RHBDL3: variants seen among roughly 807,000 people sequenced by gnomAD.
The protein encoded by RHBDL3 is rhomboid like 3, also known as rhomboid-related protein 3.
Under a neutral mutation model 48.2 loss-of-function variants are expected in RHBDL3, and 28 were observed. The ratio of observed to expected loss-of-function variants is 0.58; its 90% CI spans 0.43 to 0.80. RHBDL3 has a LOEUF of 0.80. Ranked by LOEUF, RHBDL3 falls within the 30% of genes least tolerant of loss-of-function variation. The pLI is 0.00. For synonymous variants in RHBDL3, 208 were observed against 232.3 expected (o/e 0.90, Z 0.95); for missense variants, 464 against 542.7 (o/e 0.85, Z 1.44).
At chr17:32,307,644 G>T (rs1035833697) in intron 7 of RHBDL3, among the ~76,000 whole-genome samples, 1 of 152,156 alleles carries the variant, frequency 6.6e-6, no homozygotes, top group African/African-American at 2.4e-5. Context: ...AGAGGCTGCG[G>T]GTGTTGGGAA....
intron 7 of RHBDL3, among the ~76,000 whole-genome samples, chr17:32,306,641 TG>T (rs2040717268): frequency 6.6e-6 from 1 of 151,970 alleles, no homozygotes; most frequent in Admixed American, 6.6e-5. Context: ...GAATGGGAGC[TG>T]GGCACAGTGG....
chr17:32,318,213 T>C (rs1375420187), intron 8 of RHBDL3, among the ~76,000 whole-genome samples: 2 of 150,974 alleles, frequency 1.3e-5, no homozygotes, highest in African/African-American at 2.4e-5. Context: ...AATTAAAAAT[T>C]AGCCAGGCAT....
chr17:32,266,286 G>T lies in RHBDL3; in HGVS notation c.97G>T (p.Ala33Ser). ...LEPEAEERLP[A>S]APEDHWKVLF... ...ACCCGAGGCCGAGGAGCGGCTGCCC[G>T]CGGCGCCGGAGGACGTGAGTGCCCC... Residue 33 changes from alanine (A) to serine (S), a missense_variant, in exon 1 of 9, where the codon GCG (alanine) becomes TCG (serine). Physicochemically the swap from Ala to Ser is moderately conservative, Grantham distance 99. Transcript: ENST00000269051. The T allele has an allele frequency of 1.4e-6, 2 of 1,465,578 alleles. No individual in the cohort carries two copies. Among genetic ancestry groups the T allele is most frequent in the Non-Finnish European group, 1.8e-6 (2 of 1,114,822 alleles). 90.8% of individuals were successfully genotyped at this position (1,465,578 alleles called of 1,614,324 possible).
rs181612040 is a variant in RHBDL3, at chr17:32,276,841, C to T, written c.136-7818C>T. Among the ~76,000 whole-genome samples, 85 of 98,836 alleles carry T rather than the reference C, an allele frequency of 8.6e-4. 4 individuals are homozygous for T. In the East Asian group the frequency reaches 0.015, roughly 18 times the overall value. The allele number at this position is 98,836 out of a possible 152,430, so 64.8% of individuals were successfully genotyped here. A position where few individuals can be genotyped will look rare whatever the true frequency, so the allele number is the denominator to read the frequency against. The stretch of plus-strand genomic sequence containing the variant: ...GTACTCCGGCCCTAGCACCTTACTC[C>T]GGCCCTAGCACCTTACTCCGGCCCT... On this transcript the variant is annotated intron_variant, in intron 2 of 8. Coordinates refer to ENST00000269051, the MANE Select transcript of RHBDL3 (RefSeq NM_138328.3).
chr17:32,321,709 G>A lies in RHBDL3; in HGVS notation c.*480G>A, dbSNP rs1006284858. On this transcript the variant is annotated 3_prime_UTR_variant, in exon 9 of 9. Transcript: ENST00000269051. Reference sequence around the variant, plus strand: ...ATGTGGTGTCTCCTTGACACCTGCTGTGTCTGGGGCTCCAGTAAGAAGAGG... The same window carrying A: ...ATGTGGTGTCTCCTTGACACCTGCTATGTCTGGGGCTCCAGTAAGAAGAGG... The A allele has an allele frequency of 1.5e-5, 4 of 259,806 alleles. No homozygotes were observed. The highest frequency in any genetic ancestry group is 1.5e-5 in the Non-Finnish European group (2 of 131,366). 16.1% of individuals were successfully genotyped at this position (259,806 alleles called of 1,614,324 possible).
In RHBDL3 at chr17:32,321,419, G is replaced by A; in HGVS notation, c.*190G>A. The A allele has an allele frequency of 2.0e-6, 3 of 1,498,882 alleles. No homozygotes were observed. The highest frequency in any genetic ancestry group is 4.9e-5 in the East Asian group (2 of 40,476). The allele number at this position is 1,498,882 out of a possible 1,614,324, so 92.8% of individuals were successfully genotyped here. On this transcript the variant is annotated 3_prime_UTR_variant, in exon 9 of 9. Coordinates refer to ENST00000269051, the MANE Select transcript of RHBDL3 (RefSeq NM_138328.3). Reference sequence around the variant, plus strand: ...CTTTTCTGAAAGGCATCTGGCGGAGGAGTTGATGTGGCTGCTGTCGTTTTT... The same window carrying A: ...CTTTTCTGAAAGGCATCTGGCGGAGAAGTTGATGTGGCTGCTGTCGTTTTT...
intron 2 of RHBDL3, among the ~76,000 whole-genome samples, chr17:32,270,161 G>A (rs916595871): frequency 1.9e-3 from 270 of 139,472 alleles, no homozygotes; most frequent in Non-Finnish European, 3.0e-3. Context: ...AAAAAAAGAA[G>A]CAAGCAACCC....
intron 8 of RHBDL3, among the ~76,000 whole-genome samples, chr17:32,318,011 C>A (rs1018692486): frequency 1.2e-4 from 18 of 151,482 alleles, no homozygotes; most frequent in Admixed American, 4.6e-4. Context: ...GAGTTTAAGA[C>A]CAGCCTTGGC....
At chr17:32,293,770 C>T (rs1167903891) in intron 4 of RHBDL3, among the ~76,000 whole-genome samples, 1 of 150,956 alleles carries the variant, frequency 6.6e-6, no homozygotes, top group Non-Finnish European at 1.5e-5. Context: ...ACAAAGAGAC[C>T]CCAGGACCAT....
At chr17:32,291,302 C>A (rs1398094936) in intron 4 of RHBDL3, among the ~76,000 whole-genome samples, 1 of 150,344 alleles carries the variant, frequency 6.7e-6, no homozygotes, top group Non-Finnish European at 1.5e-5. Flanking sequence ...CACTGCACTC[C>A]AGCCTGGGCG....
In RHBDL3 at chr17:32,280,103, C is replaced by A. The variant is rs9901527; in HGVS notation, c.136-4556C>A. On this transcript the variant is annotated intron_variant, in intron 2 of 8. Transcript: ENST00000269051. The stretch of plus-strand genomic sequence containing the variant: ...CGGGCCAGCTCCTCTGTGTCTTCCG[C>A]TCAGGCTGAATGTGGACTTGGCCGC... Among the ~76,000 whole-genome samples, 860 of 152,280 alleles carry A rather than the reference C, an allele frequency of 5.6e-3. 12 individuals carry two copies. The highest frequency in any genetic ancestry group is 0.019 in the African/African-American group (796 of 41,548).
intron 2 of RHBDL3, among the ~76,000 whole-genome samples, chr17:32,268,417 G>A (rs2039688808): frequency 6.6e-6 from 1 of 152,204 alleles, no homozygotes; most frequent in Non-Finnish European, 1.5e-5. Flanking sequence ...ATAGGGATGA[G>A]GGAGTGCTGG....
intron 6 of RHBDL3, among the ~76,000 whole-genome samples, chr17:32,304,492 TC>T (rs2040661942): frequency 6.6e-6 from 1 of 152,192 alleles, no homozygotes; most frequent in South Asian, 2.1e-4. Flanking sequence ...TTCCGGCACT[TC>T]CTACCAGGAG....
chr17:32,283,856 T>C (rs1358698751), intron 2 of RHBDL3, among the ~76,000 whole-genome samples: 1 of 152,138 alleles, frequency 6.6e-6, no homozygotes, highest in Non-Finnish European at 1.5e-5. Flanking sequence ...CCCAGAGGTC[T>C]GGACAGAACA....
At chr17:32,266,459 G>T (rs1038994486) in intron 1 of RHBDL3, among the ~76,000 whole-genome samples, 159 bp downstream of exon 1, 12 of 152,176 alleles carry the variant, frequency 7.9e-5, no homozygotes, top group African/African-American at 2.9e-4. Context: ...CGGAGGGACC[G>T]GTCTCCCCGA....
intron 2 of RHBDL3, among the ~76,000 whole-genome samples, chr17:32,276,913 A>T (rs544074734): frequency 1.0e-4 from 11 of 110,094 alleles, no homozygotes; most frequent in Admixed American, 1.6e-4. Context: ...CTAGCACCTT[A>T]CTCCAGCCCT....
chr17:32,313,751 C>CTGTT (rs2040899365), intron 7 of RHBDL3, among the ~76,000 whole-genome samples: 1 of 98,630 alleles, frequency 1.0e-5, no homozygotes, highest in Non-Finnish European at 1.9e-5. Flanking sequence ...AATTCCCTCC[C>CTGTT]TTTTTTTTTT....
chr17:32,304,649 A>G (rs2040665390), intron 6 of RHBDL3, among the ~76,000 whole-genome samples: 1 of 152,144 alleles, frequency 6.6e-6, no homozygotes, highest in Admixed American at 6.5e-5. Context: ...TTCAATAACT[A>G]CTGCTACTAT....
chr17:32,304,620 C>G (rs1434209221), intron 6 of RHBDL3, among the ~76,000 whole-genome samples: 1 of 152,198 alleles, frequency 6.6e-6, no homozygotes, highest in Admixed American at 6.5e-5. Flanking sequence ...ATCCGTGTCA[C>G]CTAGGTGGCA....
Sources: gnomAD v4.1 joint callset for allele counts (sites outside exome capture counted in the v4.1 genomes callset) on GRCh38, gnomAD v4.1.1 for gene constraint, MANE v1.5 for transcripts, NCBI Gene and HGNC (gene_info 2026-07-23, HGNC 2026-07-21) for gene names.